The following SLC4A4 variants were observed in gnomAD, a reference collection of about 807,000 sequenced individuals.
SLC4A4 encodes the protein solute carrier family 4 member 4, also known as electrogenic sodium bicarbonate cotransporter 1.
In SLC4A4, 27 loss-of-function variants were observed where a neutral mutation model predicts 111.5. The ratio of observed to expected loss-of-function variants is 0.24; its 90% CI spans 0.18 to 0.33. The LOEUF (loss-of-function observed/expected upper bound fraction) is 0.33, where lower values mean the gene tolerates loss of function less well. SLC4A4 is among the 10% of genes least tolerant of loss of function. SLC4A4 has a pLI of 1.00. For synonymous variants in SLC4A4, 443 were observed against 463.4 expected, an observed-to-expected ratio of 0.96 and a Z score of 0.57; for missense variants, 909 against 1,315.5, an observed-to-expected ratio of 0.69 and a Z score of 4.78.
At chr4:71,258,635 G>T (rs1468030827) in intron 3 of SLC4A4, among the ~76,000 whole-genome samples, 2 of 152,042 alleles carry the variant, frequency 1.3e-5, no homozygotes, top group Non-Finnish European at 2.9e-5. Context: ...TGCTTTAATT[G>T]GTCTAAATAT....
chr4:71,313,892 T>C (rs1409900792), intron 3 of SLC4A4, among the ~76,000 whole-genome samples: 1 of 152,068 alleles, frequency 6.6e-6, no homozygotes, highest in Non-Finnish European at 1.5e-5. Context: ...CTAAAAGCAA[T>C]TGCAACAAAA....
chr4:71,411,035 A>G (rs935426595), intron 7 of SLC4A4, among the ~76,000 whole-genome samples: 4 of 152,144 alleles, frequency 2.6e-5, no homozygotes, highest in African/African-American at 9.7e-5. Context: ...GTGTACAGAA[A>G]GTGTCACTCG....
chr4:71,352,230 T>C (rs1040647694), intron 5 of SLC4A4, among the ~76,000 whole-genome samples: 4 of 152,128 alleles, frequency 2.6e-5, no homozygotes, highest in Non-Finnish European at 2.9e-5. Context: ...GGAGCAAAGA[T>C]GTCAAAAATT....
intron 3 of SLC4A4, among the ~76,000 whole-genome samples, chr4:71,319,871 T>C (rs1455405595): frequency 6.6e-6 from 1 of 151,986 alleles, no homozygotes; most frequent in Non-Finnish European, 1.5e-5. Flanking sequence ...TCTGGTCTTA[T>C]AATTCGGATC....
chr4:71,330,442 T>C (rs1168940659), intron 3 of SLC4A4, among the ~76,000 whole-genome samples: 3 of 152,098 alleles, frequency 2.0e-5, no homozygotes, highest in African/African-American at 2.4e-5. Flanking sequence ...CATCTACAAC[T>C]ATCTGATCTT....
At chr4:71,350,190 C>T in intron 5 of SLC4A4, 118 bp downstream of exon 5, 6 of 1,026,416 alleles carry the variant, frequency 5.8e-6, no homozygotes, top group Non-Finnish European at 8.9e-6. Flanking sequence ...CATTTATTCT[C>T]TCTTTTTGCA....
intron 7 of SLC4A4, among the ~76,000 whole-genome samples, chr4:71,399,411 ATTCCATTCCATTCTCCCGTCCC>A (rs1321467813): frequency 1.3e-4 from 19 of 150,724 alleles, no homozygotes; most frequent in Admixed American, 2.0e-4. Flanking sequence ...AAGGGTGTAC[ATTCCATTCCATTCTCCCGTCCC>A]TTCCCCTCCC....
chr4:71,286,650 T>A (rs765817674), intron 3 of SLC4A4, among the ~76,000 whole-genome samples: 1 of 152,242 alleles, frequency 6.6e-6, no homozygotes, highest in Non-Finnish European at 1.5e-5. Flanking sequence ...GCTATACCAT[T>A]AAACAGTATT....
At chr4:71,396,466 A>T (rs958640424) in intron 6 of SLC4A4, among the ~76,000 whole-genome samples, 1 of 152,184 alleles carries the variant, frequency 6.6e-6, no homozygotes, top group African/African-American at 2.4e-5. Context: ...TAATCTAAAG[A>T]ATTATTTGGA....
At position 71,567,934 on chromosome 4, in the gene SLC4A4, C is replaced by A; in HGVS notation, c.*183C>A. 2 of 1,173,492 alleles carry A rather than the reference C, an allele frequency of 1.7e-6. No individual in the cohort carries two copies. Among genetic ancestry groups the A allele is most frequent in the South Asian group, 2.8e-5 (2 of 70,314 alleles). 72.7% of individuals were successfully genotyped at this position (1,173,492 alleles called of 1,614,324 possible). ...TAAAACTGACATTTGTTGTTAATGT[C>A]ATTTGTTTTTGTTTGGCTGTTTGTT... is the stretch of plus-strand genomic sequence containing the variant. On this transcript the variant is annotated 3_prime_UTR_variant, in exon 26 of 26. Coordinates refer to ENST00000264485, the MANE Select transcript of SLC4A4 (RefSeq NM_001098484.3).
intron 2 of SLC4A4, among the ~76,000 whole-genome samples, chr4:71,106,847 A>G (rs1343786825): frequency 5.4e-5 from 8 of 149,106 alleles, no homozygotes; most frequent in Non-Finnish European, 1.2e-4. Context: ...TGGGTGCAGC[A>G]CACCAGCATG....
intron 1 of SLC4A4, among the ~76,000 whole-genome samples, chr4:71,090,331 C>T (rs781160530): frequency 5.3e-5 from 8 of 152,080 alleles, no homozygotes; most frequent in Non-Finnish European, 1.5e-5. Flanking sequence ...ATTCCCTGAC[C>T]CCTTGTGCTT....
intron 2 of SLC4A4, among the ~76,000 whole-genome samples, chr4:71,118,598 T>C (rs1438470147): frequency 6.6e-6 from 1 of 152,196 alleles, no homozygotes; most frequent in Admixed American, 6.5e-5. Context: ...GGTCTATTTG[T>C]AGTAAAATGC....
intron 2 of SLC4A4, among the ~76,000 whole-genome samples, chr4:71,156,653 C>A (rs1744487064): frequency 6.6e-6 from 1 of 150,832 alleles, no homozygotes; most frequent in African/African-American, 2.4e-5. Context: ...TATAGAAATA[C>A]CATATCAAAA....
At chr4:71,229,732 C>A (rs1719282458) in intron 1 of SLC4A4, among the ~76,000 whole-genome samples, 1 of 151,548 alleles carries the variant, frequency 6.6e-6, no homozygotes, top group East Asian at 1.9e-4. Flanking sequence ...AGAGCTCCAG[C>A]GGTCTGCATA....
intron 7 of SLC4A4, among the ~76,000 whole-genome samples, chr4:71,439,460 A>G (rs939953767): frequency 2.0e-5 from 3 of 147,962 alleles, no homozygotes; most frequent in Non-Finnish European, 4.5e-5. Flanking sequence ...AAAAAAAAAA[A>G]AAAAAAAAAA....
At chr4:71,478,247 A>C (rs945498721) in intron 14 of SLC4A4, among the ~76,000 whole-genome samples, 4 of 151,930 alleles carry the variant, frequency 2.6e-5, no homozygotes, top group African/African-American at 9.7e-5. Flanking sequence ...TTGACCCAGC[A>C]ATCCCGTGAC....
In SLC4A4 at chr4:71,216,576, G is replaced by A. The variant is rs533277840; in HGVS notation, c.-1-20000G>A. ...ATTTCTTTCCTTGATTCCCTGCAAG[G>A]TTCAAAAGAGGGAAGCTCCTCTTAT... On this transcript the variant is annotated intron_variant, in intron 1 of 25. Coordinates refer to ENST00000264485, the MANE Select transcript of SLC4A4 (RefSeq NM_001098484.3). Among the ~76,000 whole-genome samples, 9 of 152,210 alleles carry A rather than the reference G, an allele frequency of 5.9e-5. No individual in the cohort carries two copies. The South Asian group carries it at 1.9e-3, about 32-fold the overall frequency.
chr4:71,564,896 T>G (rs548275946), intron 24 of SLC4A4, among the ~76,000 whole-genome samples: 2 of 151,980 alleles, frequency 1.3e-5, no homozygotes, highest in Admixed American at 6.6e-5. Context: ...TCTTACACAA[T>G]TCCTCACATT....
Sources: allele counts gnomAD v4.1 joint callset (sites outside exome capture counted in the v4.1 genomes callset), GRCh38; gene constraint gnomAD v4.1.1; transcripts MANE v1.5; gene names NCBI Gene and HGNC (gene_info 2026-07-23, HGNC 2026-07-21).